FAM135A: variants seen among roughly 807,000 people sequenced by gnomAD.
FAM135A encodes the protein family with sequence similarity 135 member A, also known as protein FAM135A.
A neutral mutation model predicts 146.8 loss-of-function variants in FAM135A; 79 were observed. The ratio of observed to expected loss-of-function variants is 0.54; its 90% CI spans 0.45 to 0.65. The LOEUF is 0.65. FAM135A is among the 30% of genes least tolerant of loss of function. FAM135A has a pLI of 0.00. For synonymous variants in FAM135A, 562 were observed against 603.6 expected (o/e 0.93, Z 1.01); for missense variants, 1,623 against 1,758.2 (o/e 0.92, Z 1.38).
intron 20 of FAM135A, among the ~76,000 whole-genome samples, chr6:70,555,864 A>C (rs1484598724): frequency 2.6e-5 from 4 of 152,162 alleles, no homozygotes; most frequent in African/African-American, 4.8e-5. Context: ...CACCTCCCCC[A>C]AAAAAGTGGT....
intron 16 of FAM135A, among the ~76,000 whole-genome samples, chr6:70,529,439 A>T (rs1313784766): frequency 7.5e-6 from 1 of 133,106 alleles, no homozygotes; most frequent in South Asian, 2.4e-4. Flanking sequence ...ATTTTTCTTT[A>T]AAAAAAAAAA....
At chr6:70,474,487 A>G (rs1042737801) in intron 5 of FAM135A, among the ~76,000 whole-genome samples, 13 of 152,178 alleles carry the variant, frequency 8.5e-5, no homozygotes, top group Non-Finnish European at 1.6e-4. Context: ...AGCTGGCTAC[A>G]AATCTGGGGG....
chr6:70,464,098 A>AT (rs1046113347), intron 5 of FAM135A, among the ~76,000 whole-genome samples: 2 of 152,262 alleles, frequency 1.3e-5, no homozygotes, highest in African/African-American at 4.8e-5. Flanking sequence ...TTAATAAATT[A>AT]TGGTTGAATG....
chr6:70,463,915 A>G (rs922306758), intron 5 of FAM135A, among the ~76,000 whole-genome samples: 6 of 152,148 alleles, frequency 3.9e-5, no homozygotes, highest in African/African-American at 7.2e-5. Context: ...GGTTTAAGAG[A>G]TAGTGTTAGA....
intron 4 of FAM135A, among the ~76,000 whole-genome samples, chr6:70,439,778 G>C (rs543540378): frequency 1.1e-4 from 16 of 152,178 alleles, no homozygotes; most frequent in African/African-American, 3.4e-4. Context: ...TACCAATCTA[G>C]GACTAACTTT....
chr6:70,547,376 G>A (rs1265075411), intron 20 of FAM135A, among the ~76,000 whole-genome samples: 2 of 152,154 alleles, frequency 1.3e-5, no homozygotes, highest in Non-Finnish European at 2.9e-5. Flanking sequence ...GTTTAATATT[G>A]TTAAGAATAT....
At position 70,526,672 on chromosome 6, in the gene FAM135A, A is replaced by G. The variant is rs756542452; in HGVS notation, c.3588A>G (p.Glu1196=). The change falls in exon 15 of 22, where the codon GAA becomes GAG. Residue 1196 remains glutamate (E), a synonymous_variant. Coordinates refer to ENST00000418814, the MANE Select transcript of FAM135A (RefSeq NM_001162529.3). ...YNFTSSISWY[E]SSPKPQIQAF... is the part of the protein sequence containing the mutation. ...TCACTTCTTCGATTTCCTGGTATGA[A>G]AGTTCACCAAAACCTCAAATACAAG... is the stretch of plus-strand genomic sequence containing the variant. 4.4e-6 allele frequency: 7 copies of G among 1,602,268 alleles called. 1 individual carries two copies. In the South Asian group the frequency reaches 5.6e-5, roughly 13 times the overall value.
intron 5 of FAM135A, among the ~76,000 whole-genome samples, chr6:70,469,142 G>T (rs534093311): frequency 1.3e-5 from 2 of 151,892 alleles, no homozygotes; most frequent in African/African-American, 4.8e-5. Flanking sequence ...ACACCACTCC[G>T]TTAGGATGTA....
At chr6:70,492,478 C>A (rs16869273) in intron 11 of FAM135A, among the ~76,000 whole-genome samples, 6,509 of 151,482 alleles carry the variant, frequency 0.043, 295 homozygotes, top group African/African-American at 0.1. Context: ...CCAATAAAAA[C>A]CTAAGGGACA....
intron 11 of FAM135A, among the ~76,000 whole-genome samples, chr6:70,496,982 T>A (rs1441036622): frequency 6.6e-6 from 1 of 152,196 alleles, no homozygotes; most frequent in African/African-American, 2.4e-5. Context: ...TTGTCTTGGC[T>A]ATACGGTCTC....
chr6:70,429,755 A>G (rs1771079621), intron 4 of FAM135A, among the ~76,000 whole-genome samples: 2 of 152,206 alleles, frequency 1.3e-5, no homozygotes, highest in Non-Finnish European at 2.9e-5. Flanking sequence ...ATTATGATAC[A>G]TTAGACTGAT....
At chr6:70,456,001 A>C (rs1436908021) in intron 5 of FAM135A, among the ~76,000 whole-genome samples, 3 of 152,100 alleles carry the variant, frequency 2.0e-5, no homozygotes, top group Non-Finnish European at 1.5e-5. Context: ...ACAGGCGTGC[A>C]TCACCACACC....
At chr6:70,533,584 A>G (rs576889439) in intron 17 of FAM135A, among the ~76,000 whole-genome samples, 173 bp from the exon 18 acceptor site, 1 of 152,250 alleles carries the variant, frequency 6.6e-6, no homozygotes, top group Non-Finnish European at 1.5e-5. Context: ...TCCCCTAGAA[A>G]TTTACTCTCT....
intron 3 of FAM135A, 108 bp from the exon 4 acceptor site, chr6:70,428,196 T>G: frequency 1.9e-6 from 1 of 527,264 alleles, no homozygotes; most frequent in Non-Finnish European, 3.2e-6. Context: ...AATTTGTTTT[T>G]ATTTTCTGCC....
intron 7 of FAM135A, among the ~76,000 whole-genome samples, chr6:70,475,952 A>G (rs1444940506): frequency 6.6e-6 from 1 of 152,228 alleles, no homozygotes. Flanking sequence ...TTAAAGAAAT[A>G]TGGAACAATT....
intron 20 of FAM135A, among the ~76,000 whole-genome samples, chr6:70,542,934 CATT>C (rs1200929073): frequency 6.6e-6 from 1 of 152,068 alleles, no homozygotes; most frequent in Non-Finnish European, 1.5e-5. Flanking sequence ...ATTTCCATAG[CATT>C]ATATATCAAC....
chr6:70,498,403 T>G (rs1266752586), intron 11 of FAM135A, among the ~76,000 whole-genome samples: 1 of 152,206 alleles, frequency 6.6e-6, no homozygotes, highest in Non-Finnish European at 1.5e-5. Context: ...CTACCTATTT[T>G]GTTAATCTTT....
intron 10 of FAM135A, among the ~76,000 whole-genome samples, chr6:70,487,613 A>G (rs530482751): frequency 2.6e-5 from 4 of 152,154 alleles, no homozygotes; most frequent in Non-Finnish European, 5.9e-5. Flanking sequence ...GTCAGGAAGG[A>G]AAAAGAAGAG....
Position 70,524,847 on chromosome 6 carries a change from CAGA to C in FAM135A, c.1764_1766del (p.Asp589del). ...ACAGAGAGAACTGAACAAAAGTCTC[CAGA>C]TATTGAAAATGTTCAACCAGACCAG... On this transcript the variant is annotated inframe_deletion, in exon 15 of 22. Coordinates refer to ENST00000418814, the MANE Select transcript of FAM135A (RefSeq NM_001162529.3). 6.3e-7 allele frequency: 1 copy of C among 1,593,868 alleles called. No individual in the cohort carries two copies. Among genetic ancestry groups the C allele is most frequent in the South Asian group, 1.1e-5 (1 of 88,314 alleles).
Sources: allele counts gnomAD v4.1 joint callset (sites outside exome capture counted in the v4.1 genomes callset), GRCh38; gene constraint gnomAD v4.1.1; transcripts MANE v1.5; gene names NCBI Gene and HGNC (gene_info 2026-07-23, HGNC 2026-07-21).